ELOB: variants seen among roughly 807,000 people sequenced by gnomAD.
The protein encoded by ELOB is elongin B, also known as elongin-B.
ELOB carries 3 observed loss-of-function variants against 12.9 expected under a neutral mutation model. That is an observed-to-expected ratio of 0.23 (90% CI 0.11 to 0.60). ELOB has a LOEUF of 0.60. ELOB is among the 20% of genes least tolerant of loss of function. ELOB has a pLI of 0.89. For missense variants in ELOB, 126 were observed against 159.2 expected (o/e 0.79, Z 1.12); for synonymous variants, 84 against 67.4 (o/e 1.25, Z -1.21).
Position 2,771,445 on chromosome 16 carries a change from T to TAAGGG in ELOB, c.*540_*544dup. ...TGTAGACTGTTTATTAAAGGTGTGT[T>TAAGGG]AAGGGGGCAGCCACTTCCCTCCGTG... On this transcript the variant is annotated 3_prime_UTR_variant, in exon 4 of 4. Coordinates refer to ENST00000409906, the MANE Select transcript of ELOB (RefSeq NM_007108.4). 1 of 1,614,108 alleles carries TAAGGG rather than the reference T, an allele frequency of 6.2e-7. No individual in the cohort carries two copies. The highest frequency in any genetic ancestry group is 8.5e-7 in the Non-Finnish European group (1 of 1,179,992).
intron 3 of ELOB, among the ~76,000 whole-genome samples, chr16:2,774,489 T>G (rs2068787824): frequency 6.6e-6 from 1 of 152,214 alleles, no homozygotes; most frequent in African/African-American, 2.4e-5. Context: ...GAGGGCAAGG[T>G]AGCTGGCCAG....
chr16:2,776,522 G>C (rs2068801255), intron 2 of ELOB, among the ~76,000 whole-genome samples: 1 of 152,244 alleles, frequency 6.6e-6, no homozygotes, highest in Admixed American at 6.5e-5. Context: ...CGGTTGCTTG[G>C]TGAAGAACGA....
intron 3 of ELOB, among the ~76,000 whole-genome samples, 199 bp downstream of exon 3, chr16:2,775,252 A>G (rs1257321158): frequency 2.0e-5 from 3 of 152,078 alleles, no homozygotes; most frequent in Non-Finnish European, 4.4e-5. Context: ...TTCTGTAAGC[A>G]TCTCATTTGG....
In ELOB at chr16:2,773,958, C is replaced by G. The variant is rs545122809; in HGVS notation, c.244+1493G>C. ...AGACAGGCACCCCTGGGCCAGGCACCGAGGCTCAGGCCTGTAATCCCAGCA... is the reference window on the plus strand; with the variant it reads ...AGACAGGCACCCCTGGGCCAGGCACGGAGGCTCAGGCCTGTAATCCCAGCA... On this transcript the variant is annotated intron_variant, in intron 3 of 3. Coordinates refer to ENST00000409906, the MANE Select transcript of ELOB (RefSeq NM_007108.4). Among the ~76,000 whole-genome samples, 4 of 152,232 alleles carry G rather than the reference C, an allele frequency of 2.6e-5. No homozygotes were observed. The Middle Eastern group carries it at 0.01, about 388-fold the overall frequency.
At chr16:2,772,855 TC>T (rs2068773509) in intron 3 of ELOB, among the ~76,000 whole-genome samples, 1 of 7,196 alleles carries the variant, frequency 1.4e-4, no homozygotes, top group Admixed American at 2.6e-3. Context: ...CTCTCTATGT[TC>T]TTCTGTAAGT....
chr16:2,775,347 C>A lies in ELOB; in HGVS notation c.244+104G>T. On this transcript the variant is annotated intron_variant, in intron 3 of 3. Transcript: ENST00000409906. ...CAGCCCTTTAGGCACGAGGAAGACA[C>A]TGCCCTGAAGGCTTCAACTCCAGGC... The A allele has an allele frequency of 1.8e-5, 12 of 658,556 alleles. No homozygotes were observed. The South Asian group carries it at 2.4e-4, about 13-fold the overall frequency. 40.8% of individuals were successfully genotyped at this position (658,556 alleles called of 1,614,324 possible).
chr16:2,775,685 CG>C, intron 2 of ELOB, 129 bp from the exon 3 acceptor site: 1 of 609,964 alleles, frequency 1.6e-6, no homozygotes. Flanking sequence ...AGGACCACCA[CG>C]CTGCTTGACA....
chr16:2,772,277 C>T (rs981696131), intron 3 of ELOB, 175 bp from the exon 4 acceptor site: 9 of 716,960 alleles, frequency 1.3e-5, no homozygotes, highest in Admixed American at 3.8e-5. Context: ...CGTGGCCCCA[C>T]GGTAATGTCT....
At chr16:2,773,827 G>A (rs1480417503) in intron 3 of ELOB, among the ~76,000 whole-genome samples, 1 of 152,162 alleles carries the variant, frequency 6.6e-6, no homozygotes, top group African/African-American at 2.4e-5. Flanking sequence ...AACCTCTAGG[G>A]GTACCACTGT....
rs749340589 is a variant in ELOB, at chr16:2,771,982, G to C, written c.*8C>G. Reference sequence around the variant, plus strand: ...TTTTATTGGGGGAAATGGGCCTCTTGGGGGTCCTCACTGCACGGCTTGTTC... The same window carrying C: ...TTTTATTGGGGGAAATGGGCCTCTTCGGGGTCCTCACTGCACGGCTTGTTC... On this transcript the variant is annotated 3_prime_UTR_variant, in exon 4 of 4. Transcript: ENST00000409906. 6.5e-7 allele frequency: 1 copy of C among 1,544,602 alleles called. No homozygotes were observed. Among genetic ancestry groups the C allele is most frequent in the South Asian group, 1.1e-5 (1 of 88,386 alleles).
chr16:2,776,148 A>G (rs540946442), intron 2 of ELOB, among the ~76,000 whole-genome samples: 1 of 152,322 alleles, frequency 6.6e-6, no homozygotes, highest in South Asian at 2.1e-4. Flanking sequence ...GGTTTCAATG[A>G]GCTAGGAAGA....
At chr16:2,772,734 G>A (rs1359132127) in intron 3 of ELOB, among the ~76,000 whole-genome samples, 2 of 151,556 alleles carry the variant, frequency 1.3e-5, no homozygotes, top group Admixed American at 1.3e-4. Context: ...AGACTATCTA[G>A]ACTATTCCTC....
chr16:2,774,048 G>A (rs1379044213), intron 3 of ELOB, among the ~76,000 whole-genome samples: 3 of 152,146 alleles, frequency 2.0e-5, no homozygotes, highest in Non-Finnish European at 4.4e-5. Context: ...TGACTAACAT[G>A]GTGAAACCCC....
intron 2 of ELOB, among the ~76,000 whole-genome samples, chr16:2,776,023 TG>T (rs2150785266): frequency 6.6e-6 from 1 of 152,306 alleles, no homozygotes; most frequent in Admixed American, 6.5e-5. Flanking sequence ...TCAGAGTAGC[TG>T]GGACTACAGG....
chr16:2,776,048 G>A (rs968054768), intron 2 of ELOB, among the ~76,000 whole-genome samples: 7 of 152,158 alleles, frequency 4.6e-5, no homozygotes, highest in African/African-American at 1.2e-4. Context: ...ATGCCACCAC[G>A]GCTGGCTGGT....
intron 2 of ELOB, among the ~76,000 whole-genome samples, chr16:2,776,186 C>T (rs1461792030): frequency 6.6e-6 from 1 of 152,204 alleles, no homozygotes; most frequent in African/African-American, 2.4e-5. Context: ...AGACATGTGG[C>T]ACACGGGACA....
Position 2,775,552 on chromosome 16 carries a change from T to C in ELOB, c.143A>G (p.Asp48Gly), listed in dbSNP as rs1280720842. Reference sequence around the variant, plus strand: ...TGTCTTGCCATCATCCAAGAGTTGGTCATCCTGAGGAGAGAAGCAGGATCT... The same window carrying C: ...TGTCTTGCCATCATCCAAGAGTTGGCCATCCTGAGGAGAGAAGCAGGATCT... Reference protein sequence around the residue: ...PPDEQRLYKDDQLLDDGKTLG... With the variant: ...PPDEQRLYKDGQLLDDGKTLG... The change falls in exon 3 of 4, where the codon GAC becomes GGC. Residue 48 changes from aspartate to glycine, a missense_variant. Asp to Gly is a moderately conservative substitution (Grantham distance 94). Transcript: ENST00000409906. The C allele has an allele frequency of 6.2e-7, 1 of 1,607,780 alleles. No individual in the cohort carries two copies. Among genetic ancestry groups the C allele is most frequent in the African/African-American group, 1.3e-5 (1 of 74,890 alleles).
intron 3 of ELOB, among the ~76,000 whole-genome samples, chr16:2,774,828 G>T (rs1446114498): frequency 6.6e-6 from 1 of 152,118 alleles, no homozygotes; most frequent in Non-Finnish European, 1.5e-5. Flanking sequence ...GCAGGGGTGG[G>T]GTATGGCTGA....
Position 2,775,483 on chromosome 16 carries a change from G to T in ELOB, c.212C>A (p.Ala71Asp). 1 of 1,605,908 alleles carries T rather than the reference G, an allele frequency of 6.2e-7. No individual in the cohort carries two copies. Reference sequence around the variant, plus strand: ...GAAGGCCAGCCCCACTGTGGCTGGGGCCTGTGGCCGTGCTGTTTGACTGGT... The same window carrying T: ...GAAGGCCAGCCCCACTGTGGCTGGGTCCTGTGGCCGTGCTGTTTGACTGGT... ...GFTSQTARPQAPATVGLAFRA... is the reference protein window; with the variant it reads ...GFTSQTARPQDPATVGLAFRA... Residue 71 changes from alanine to aspartate, a missense_variant, in exon 3 of 4, where the codon GCC (alanine) becomes GAC (aspartate). Ala to Asp is a moderately radical substitution (Grantham distance 126, BLOSUM62 -2). Transcript: ENST00000409906.
Sources: allele counts gnomAD v4.1 joint callset (sites outside exome capture counted in the v4.1 genomes callset), GRCh38; gene constraint gnomAD v4.1.1; transcripts MANE v1.5; gene names NCBI Gene and HGNC (gene_info 2026-07-23, HGNC 2026-07-21).